The following UNC13D variants were observed in gnomAD, a reference collection of about 807,000 sequenced individuals.
UNC13D encodes protein unc-13 homolog D.
In UNC13D, 115 loss-of-function variants were observed where a neutral mutation model predicts 151.7. The ratio of observed to expected loss-of-function variants is 0.76; its 90% confidence interval spans 0.65 to 0.88. UNC13D has a LOEUF of 0.88. UNC13D is among the 40% of genes least tolerant of loss of function. UNC13D has a pLI of 0.00. For missense variants in UNC13D, 1,369 were observed against 1,438.7 expected (o/e 0.95, Z 0.78); for synonymous variants, 588 against 612.2 (o/e 0.96, Z 0.58).
chr17:75,838,500 C>T (rs1421656609), intron 12 of UNC13D, among the ~76,000 whole-genome samples: 5 of 151,982 alleles, frequency 3.3e-5, no homozygotes, highest in African/African-American at 4.8e-5. Flanking sequence ...ATTCCAGGCG[C>T]GAGCCACCGT....
At position 75,827,383 on chromosome 17, in the gene UNC13D, C is replaced by T; in HGVS notation, c.*582G>A. On this transcript the variant is annotated 3_prime_UTR_variant, in exon 32 of 32. Transcript: ENST00000207549. Reference sequence around the variant, plus strand: ...GTGCCAGCCCTGCCGCCTGCCAGCTCTTGCTCCCTCAGAGCCAGAAGGTTC... The same window carrying T: ...GTGCCAGCCCTGCCGCCTGCCAGCTTTTGCTCCCTCAGAGCCAGAAGGTTC... 1 of 1,354,462 alleles carries T rather than the reference C, an allele frequency of 7.4e-7. No homozygotes were observed. Among genetic ancestry groups the T allele is most frequent in the East Asian group, 2.6e-5 (1 of 38,196 alleles). 83.9% of individuals were successfully genotyped at this position (1,354,462 alleles called of 1,614,324 possible). A position where few individuals can be genotyped will look rare whatever the true frequency, so the allele number is the denominator to read the frequency against.
intron 22 of UNC13D, 33 bp downstream of exon 22, chr17:75,834,585 C>G: frequency 6.2e-7 from 1 of 1,613,234 alleles, no homozygotes; most frequent in East Asian, 2.2e-5. Flanking sequence ...TCCCCACACC[C>G]AGCTAGACTC....
chr17:75,829,374 C>T (rs1332072293), intron 30 of UNC13D, among the ~76,000 whole-genome samples: 1 of 151,054 alleles, frequency 6.6e-6, no homozygotes, highest in Non-Finnish European at 1.5e-5. Flanking sequence ...TGGCTCACTA[C>T]AACCTCCGCC....
At position 75,827,766 on chromosome 17, in the gene UNC13D, G is replaced by A. The variant is rs768670130; in HGVS notation, c.*199C>T. On this transcript the variant is annotated 3_prime_UTR_variant, in exon 32 of 32. Transcript: ENST00000207549. ...CAGCCAGGGCTGGAGGCAGGGAGGC[G>A]GGAGTAGAGATGTCGCTGCTGAGCC... 95 of 1,482,810 alleles carry A rather than the reference G, an allele frequency of 6.4e-5. No homozygotes were observed. Among genetic ancestry groups the A allele is most frequent in the African/African-American group, 8.3e-5 (6 of 71,934 alleles). 91.9% of individuals were successfully genotyped at this position (1,482,810 alleles called of 1,614,324 possible). A position where few individuals can be genotyped will look rare whatever the true frequency, so the allele number is the denominator to read the frequency against.
chr17:75,835,505 A>G lies in UNC13D; in HGVS notation c.1752T>C (p.Asn584=). 6.2e-7 allele frequency: 1 copy of G among 1,608,520 alleles called. No homozygotes were observed. Among genetic ancestry groups the G allele is most frequent in the Non-Finnish European group, 8.5e-7 (1 of 1,177,632 alleles). Residue 584 remains asparagine, a synonymous_variant, in exon 20 of 32, where the codon AAT becomes AAC. Transcript: ENST00000207549. ...TGGCCGGCTGGAACCAGCGGTGGAA[A>G]TTATCCAGGGCCAGGACTCCATCCC... is the stretch of plus-strand genomic sequence containing the variant. The part of the protein sequence containing the change: ...SERDGVLALD[N]FHRWFQPAIP...
At position 75,835,022 on chromosome 17, in the gene UNC13D, C is replaced by T. The variant is rs753021453; in HGVS notation, c.1890G>A (p.Ala630=). ...GGGCAAAGCAGGTGGATAGATCCAC[C>T]GCTGATGTGCTGTGCTTGGTCAGTT... ...LGELTKHSTS[A]VDLSTCFAQI... The change falls in exon 21 of 32, where the codon GCG becomes GCA. Residue 630 remains alanine, a synonymous_variant. Coordinates refer to ENST00000207549, the MANE Select transcript of UNC13D (RefSeq NM_199242.3). 9.9e-6 allele frequency: 16 copies of T among 1,613,890 alleles called. No individual in the cohort carries two copies. The highest frequency in any genetic ancestry group is 1.6e-4 in the Middle Eastern group (1 of 6,062).
At chr17:75,836,950 G>T in intron 12 of UNC13D, 32 bp from the exon 13 acceptor site, 1 of 1,607,070 alleles carries the variant, frequency 6.2e-7, no homozygotes, top group Non-Finnish European at 8.5e-7. Context: ...CAGCTGGACA[G>T]GGAGGAGGAA....
intron 12 of UNC13D, among the ~76,000 whole-genome samples, chr17:75,839,125 C>T (rs958038597): frequency 7.3e-5 from 11 of 151,046 alleles, no homozygotes; most frequent in Admixed American, 3.3e-4. Context: ...CAAAATGGCT[C>T]GGTGCAGTGG....
intron 30 of UNC13D, 173 bp downstream of exon 30, chr17:75,829,855 G>C (rs187796481): frequency 2.0e-6 from 2 of 1,002,604 alleles, no homozygotes; most frequent in Non-Finnish European, 2.9e-6. Flanking sequence ...TGTGATGACA[G>C]GTGTGAGCCA....
At chr17:75,839,119 A>C (rs1469530539) in intron 12 of UNC13D, among the ~76,000 whole-genome samples, 1 of 151,672 alleles carries the variant, frequency 6.6e-6, no homozygotes. Flanking sequence ...AAGCAGCAAA[A>C]TGGCTCGGTG....
At position 75,843,176 on chromosome 17, in the gene UNC13D, G is replaced by A. The variant is rs1343814166; in HGVS notation, c.244C>T (p.Leu82=). ...GGGCTCACCTCCTGCAGGTATCGCAGCAGCTCAGAGGCCTCCGTCACATGG... is the reference window on the plus strand; with the variant it reads ...GGGCTCACCTCCTGCAGGTATCGCAACAGCTCAGAGGCCTCCGTCACATGG... ...PNHVTEASEL[L]RYLQEAFHVE... Residue 82 remains leucine, a synonymous_variant, in exon 3 of 32, where the codon CTG becomes TTG. Transcript: ENST00000207549. The A allele has an allele frequency of 1.2e-6, 2 of 1,612,254 alleles. No individual in the cohort carries two copies. Among genetic ancestry groups the A allele is most frequent in the Admixed American group, 3.3e-5 (2 of 60,022 alleles).
chr17:75,840,583 CA>C lies in UNC13D; in HGVS notation c.684-8del. ...CCGGGCCTCTTTAAAGATCCTGCGT[CA>C]GGCAGGGTCCCATAAGGGGGACGCA... On this transcript the variant is annotated splice_region_variant and splice_polypyrimidine_tract_variant and intron_variant, in intron 8 of 31. Transcript: ENST00000207549. This position sits in a 1 kb window ranked among gnomAD's most constrained non-coding sequence, Gnocchi z 4.6. 1 of 1,614,034 alleles carries C rather than the reference CA, an allele frequency of 6.2e-7. No homozygotes were observed. The highest frequency in any genetic ancestry group is 8.5e-7 in the Non-Finnish European group (1 of 1,180,034).
chr17:75,834,707 G>A lies in UNC13D; in HGVS notation c.2002C>T (p.Arg668Cys), dbSNP rs376137910. 1.0e-4 allele frequency: 169 copies of A among 1,613,482 alleles called. No homozygotes were observed. In the Admixed American group the frequency reaches 1.4e-3, roughly 14 times the overall value. Reference sequence around the variant, plus strand: ...AGGCTGCAGTACACCAGGGCCAGGCGACAGGTGTCCTAGGGTGGGGTTGGA... The same window carrying A: ...AGGCTGCAGTACACCAGGGCCAGGCAACAGGTGTCCTAGGGTGGGGTTGGA... Reference protein sequence around the residue: ...ITVKFVEDTCRLALVYCSLIK... With the variant: ...ITVKFVEDTCCLALVYCSLIK... The change falls in exon 22 of 32, where the codon CGC (arginine) becomes TGC (cysteine). Residue 668 changes from arginine to cysteine, a missense_variant. Around this residue, in one of 3 missense-constraint regions of UNC13D, gnomAD observed 807 missense variants for 795.5 expected, o/e 1.01. Coordinates refer to ENST00000207549, the MANE Select transcript of UNC13D (RefSeq NM_199242.3).
chr17:75,841,067 T>C (rs371236402), intron 6 of UNC13D, 66 bp from the exon 7 acceptor site: 1 of 1,587,472 alleles, frequency 6.3e-7, no homozygotes. Context: ...AAGCAGTAAG[T>C]GACCACAGCC....
At chr17:75,839,638 C>A (rs2064933243) in intron 12 of UNC13D, among the ~76,000 whole-genome samples, 1 of 152,176 alleles carries the variant, frequency 6.6e-6, no homozygotes, top group Admixed American at 6.5e-5. Flanking sequence ...CTCCCAAAGT[C>A]CTGGGATTAC....
Position 75,840,714 on chromosome 17 carries a change from G to C in UNC13D, c.683+48C>G. 6.2e-7 allele frequency: 1 copy of C among 1,612,984 alleles called. No individual in the cohort carries two copies. Among genetic ancestry groups the C allele is most frequent in the Non-Finnish European group, 8.5e-7 (1 of 1,179,416 alleles). ...TCCAGTGTGCATGTTGGGGGATGGA[G>C]GGCAAAAGGAGCCCCAACCCCTTCC... is the stretch of plus-strand genomic sequence containing the variant. On this transcript the variant is annotated intron_variant, in intron 8 of 31. Coordinates refer to ENST00000207549, the MANE Select transcript of UNC13D (RefSeq NM_199242.3). The surrounding 1 kb of genome is among the most constrained non-coding windows in gnomAD (Gnocchi z 4.6).
At chr17:75,843,905 C>T in intron 1 of UNC13D, 2 of 1,375,882 alleles carry the variant, frequency 1.5e-6, no homozygotes, top group Non-Finnish European at 9.4e-7. Flanking sequence ...CAGCTCACCC[C>T]ACAGCAGGGA....
In UNC13D at chr17:75,843,908, A is replaced by T. The variant is rs1333266343; in HGVS notation, c.117+313T>A. 3 of 1,374,856 alleles carry T rather than the reference A, an allele frequency of 2.2e-6. No homozygotes were observed. The East Asian group carries it at 8.5e-5, about 39-fold the overall frequency. The allele number at this position is 1,374,856 out of a possible 1,614,324, so 85.2% of individuals were successfully genotyped here. On this transcript the variant is annotated intron_variant, in intron 1 of 31. Transcript: ENST00000207549. Reference sequence around the variant, plus strand: ...CTGCTCCCCGAACAGCTCACCCCACAGCAGGGACACCCCCACCTAATGGAG... The same window carrying T: ...CTGCTCCCCGAACAGCTCACCCCACTGCAGGGACACCCCCACCTAATGGAG...
chr17:75,835,203 C>G, intron 20 of UNC13D, 140 bp from the exon 21 acceptor site: 2 of 1,466,134 alleles, frequency 1.4e-6, no homozygotes, highest in Non-Finnish European at 1.8e-6. Context: ...CCGCCCAGAC[C>G]CCCAGGCTGC....
Sources: allele counts gnomAD v4.1 joint callset (sites outside exome capture counted in the v4.1 genomes callset), GRCh38; gene constraint gnomAD v4.1.1; regional missense constraint gnomAD v4.1.1; non-coding constraint Gnocchi (gnomAD v3.1); transcripts MANE v1.5; gene names NCBI Gene and HGNC (gene_info 2026-07-23, HGNC 2026-07-21).